The following DYRK4 variants were observed in gnomAD, a reference collection of about 807,000 sequenced individuals.
DYRK4 encodes the protein dual specificity tyrosine-phosphorylation-regulated kinase 4.
DYRK4 carries 64 observed loss-of-function variants against 68.3 expected under a neutral mutation model. That is an observed-to-expected ratio of 0.94 (90% confidence interval 0.77 to 1.15). The LOEUF is 1.15. Among genes scored for constraint, DYRK4 ranks in the 50% most tolerant of loss-of-function variants. The pLI is 0.00. For missense variants in DYRK4, 740 were observed against 764.7 expected (o/e 0.97, Z 0.38); for synonymous variants, 274 against 289.9 (o/e 0.95, Z 0.56).
chr12:4,588,722 T>C (rs1295611708), intron 2 of DYRK4, among the ~76,000 whole-genome samples: 1 of 152,242 alleles, frequency 6.6e-6, no homozygotes, highest in Non-Finnish European at 1.5e-5. Flanking sequence ...GCCAAGCCCA[T>C]CCAGGATGAA....
chr12:4,580,809 TTA>T (rs1440456164), intron 2 of DYRK4: 1 of 454,292 alleles, frequency 2.2e-6, no homozygotes, highest in African/African-American at 2.0e-5. Flanking sequence ...TTTTTTTTTT[TTA>T]AATGGGAAAC....
At chr12:4,600,970 A>G (rs1364097776) in intron 10 of DYRK4, among the ~76,000 whole-genome samples, 1 of 152,126 alleles carries the variant, frequency 6.6e-6, no homozygotes, top group African/African-American at 2.4e-5. Flanking sequence ...TCTCATTAGA[A>G]CAAAGAGAGT....
chr12:4,608,754 A>G (rs967067786), intron 12 of DYRK4, among the ~76,000 whole-genome samples: 3 of 152,154 alleles, frequency 2.0e-5, no homozygotes, highest in Non-Finnish European at 4.4e-5. Flanking sequence ...CCAATGGTTA[A>G]TTCTTTTAAA....
At chr12:4,612,780 T>C (rs1177774944) in intron 14 of DYRK4, 62 bp downstream of exon 14, 1 of 1,561,798 alleles carries the variant, frequency 6.4e-7, no homozygotes, top group South Asian at 1.1e-5. Context: ...TCTAGAATTC[T>C]GTAAATCTCC....
intron 2 of DYRK4, among the ~76,000 whole-genome samples, chr12:4,584,845 G>A (rs1244779527): frequency 6.6e-6 from 1 of 152,120 alleles, no homozygotes; most frequent in African/African-American, 2.4e-5. Context: ...GTGAGCCACC[G>A]CGCCTGGCCT....
chr12:4,597,110 A>G (rs1390400400), intron 8 of DYRK4: 2 of 1,080,156 alleles, frequency 1.9e-6, no homozygotes, highest in African/African-American at 3.4e-5. Context: ...ACCCAAAGGA[A>G]CAGGCAGCTG....
chr12:4,592,025 T>C (rs978592058), intron 5 of DYRK4, among the ~76,000 whole-genome samples: 1 of 151,760 alleles, frequency 6.6e-6, no homozygotes. Context: ...AGAGCCCAAA[T>C]CCACCGAGCA....
chr12:4,603,852 G>A (rs1018153754), intron 10 of DYRK4, among the ~76,000 whole-genome samples: 2 of 152,136 alleles, frequency 1.3e-5, no homozygotes, highest in African/African-American at 4.8e-5. Context: ...AACTGAATTC[G>A]TAATTATTTT....
chr12:4,578,543 C>T (rs545792048), intron 2 of DYRK4, among the ~76,000 whole-genome samples: 6 of 152,192 alleles, frequency 3.9e-5, no homozygotes, highest in South Asian at 2.1e-4. Flanking sequence ...GCAAGTTATG[C>T]GTAGTTAATT....
rs1275853906 is a variant in DYRK4 at position 4,563,305 on chromosome 12, G to A, written c.38+1022G>A. ...TGGAGAAAGCAGAGGTAAATCGGAAGGGACTCTCTAGCAATATGCCAGCCA... is the reference window on the plus strand; with the variant it reads ...TGGAGAAAGCAGAGGTAAATCGGAAAGGACTCTCTAGCAATATGCCAGCCA... On this transcript the variant is annotated intron_variant, in intron 1 of 14. Coordinates refer to ENST00000543431, the MANE Select transcript of DYRK4 (RefSeq NM_001394779.1). 10 of 378,142 alleles carry A rather than the reference G, an allele frequency of 2.6e-5. No individual in the cohort carries two copies. In the East Asian group the frequency reaches 5.1e-4, roughly 19 times the overall value. 23.4% of individuals were successfully genotyped at this position (378,142 alleles called of 1,614,324 possible).
At position 4,591,101 on chromosome 12, in the gene DYRK4, T is replaced by G. The variant is rs115626079; in HGVS notation, c.325-59T>G. 2,345 of 1,568,280 alleles carry G rather than the reference T, an allele frequency of 1.5e-3. 30 individuals are homozygous for G. In the African/African-American group the frequency reaches 0.028, roughly 19 times the overall value. Reference sequence around the variant, plus strand: ...GGGTGTCTTTGGTTAAATAAATGGTTTATGGCCCCCAGGAGAGTCCTAAGT... The same window carrying G: ...GGGTGTCTTTGGTTAAATAAATGGTGTATGGCCCCCAGGAGAGTCCTAAGT... On this transcript the variant is annotated intron_variant, in intron 4 of 14. Coordinates refer to ENST00000543431, the MANE Select transcript of DYRK4 (RefSeq NM_001394779.1). The surrounding 1 kb of genome is among the most constrained non-coding windows in gnomAD (Gnocchi z 4.1).
At chr12:4,586,585 G>T (rs1944898923) in intron 2 of DYRK4, among the ~76,000 whole-genome samples, 1 of 152,124 alleles carries the variant, frequency 6.6e-6, no homozygotes, top group South Asian at 2.1e-4. Context: ...CAATCAGCAA[G>T]TTCATAAACT....
chr12:4,596,262 G>A lies in DYRK4; in HGVS notation c.741G>A (p.Leu247=). 6.2e-7 allele frequency: 1 copy of A among 1,614,194 alleles called. No homozygotes were observed. Among genetic ancestry groups the A allele is most frequent in the Non-Finnish European group, 8.5e-7 (1 of 1,180,048 alleles). ...LDHKNNELVA[L]KIIRNKKRFH... ...ACAAAAACAATGAGCTGGTGGCCCT[G>A]AAAATCATCAGGAACAAGAAGAGGT... The change falls in exon 7 of 15, where the codon CTG becomes CTA. Residue 247 remains leucine (L), a synonymous_variant. Transcript: ENST00000543431.
chr12:4,577,892 A>G (rs1425155406), intron 2 of DYRK4, among the ~76,000 whole-genome samples: 1 of 152,164 alleles, frequency 6.6e-6, no homozygotes, highest in Non-Finnish European at 1.5e-5. Flanking sequence ...GGGAGTGTTA[A>G]TGTAAATGGT....
chr12:4,573,236 A>G (rs989086737), intron 2 of DYRK4: 2 of 1,068,566 alleles, frequency 1.9e-6, no homozygotes, highest in Non-Finnish European at 1.3e-6. Context: ...TGGCTCAATG[A>G]AGATAGGCAT....
chr12:4,599,046 G>A lies in DYRK4; in HGVS notation c.924G>A (p.Leu308=). The A allele has an allele frequency of 6.2e-7, 1 of 1,613,996 alleles. No homozygotes were observed. The highest frequency in any genetic ancestry group is 8.5e-7 in the Non-Finnish European group (1 of 1,180,008). ...FELLGINLYE[L]MKNNNFQGFS... is the part of the protein sequence containing the mutation. Reference sequence around the variant, plus strand: ...TTTCCAGAATCAACTTGTATGAGTTGATGAAGAATAACAACTTTCAAGGCT... The same window carrying A: ...TTTCCAGAATCAACTTGTATGAGTTAATGAAGAATAACAACTTTCAAGGCT... The change falls in exon 9 of 15, where the codon TTG becomes TTA. Residue 308 remains leucine, a synonymous_variant. Transcript: ENST00000543431.
chr12:4,608,751 T>C (rs1591808977), intron 12 of DYRK4, among the ~76,000 whole-genome samples: 1 of 152,164 alleles, frequency 6.6e-6, no homozygotes, highest in South Asian at 2.1e-4. Flanking sequence ...ATTCCAATGG[T>C]TAATTCTTTT....
intron 9 of DYRK4, 31 bp from the exon 10 acceptor site, chr12:4,599,676 T>C: frequency 1.3e-6 from 2 of 1,573,914 alleles, no homozygotes; most frequent in Non-Finnish European, 1.7e-6. Context: ...CGCATTACTG[T>C]AGCTTGACAT....
intron 2 of DYRK4, among the ~76,000 whole-genome samples, chr12:4,588,644 G>C (rs143718926): frequency 6.6e-6 from 1 of 152,060 alleles, no homozygotes; most frequent in African/African-American, 2.4e-5. Flanking sequence ...CCGTAAGCAG[G>C]GTCTCTAGTT....
Sources: allele counts gnomAD v4.1 joint callset (sites outside exome capture counted in the v4.1 genomes callset), GRCh38; gene constraint gnomAD v4.1.1; non-coding constraint Gnocchi (gnomAD v3.1); transcripts MANE v1.5; gene names NCBI Gene and HGNC (gene_info 2026-07-23, HGNC 2026-07-21).